CNTN4: variants seen among roughly 807,000 people sequenced by gnomAD.
CNTN4 encodes contactin 4, also known as contactin-4.
CNTN4 carries 77 observed loss-of-function variants against 122.5 expected under a neutral mutation model. The ratio of observed to expected loss-of-function variants is 0.63; its 90% CI spans 0.52 to 0.76. CNTN4 has a LOEUF of 0.76. CNTN4 is among the 30% of genes least tolerant of loss of function. The probability of loss-of-function intolerance (pLI) is 0.00; values close to 1 mark genes in which losing one functional copy is unlikely to be tolerated. For synonymous variants in CNTN4, 512 were observed against 447.0 expected (o/e 1.15, Z -1.83); for missense variants, 1,256 against 1,259.1 (o/e 1.00, Z 0.04).
Position 2,272,689 on chromosome 3 carries a change from T to G in CNTN4, c.-144-66489T>G, listed in dbSNP as rs192783230. Among the ~76,000 whole-genome samples, 5 of 152,328 alleles carry G rather than the reference T, an allele frequency of 3.3e-5. No homozygotes were observed. The East Asian group carries it at 9.7e-4, about 29-fold the overall frequency. ...ATAGGCGTCTTTGAGCCCCTCAACT[T>G]GACAATTGTATTGACAATTATTCAC... On this transcript the variant is annotated intron_variant, in intron 2 of 24. Transcript: ENST00000418658.
intron 6 of CNTN4, among the ~76,000 whole-genome samples, chr3:2,761,438 C>CTGTG (rs113454553): frequency 0.04 from 3,705 of 92,660 alleles, 82 homozygotes; most frequent in South Asian, 0.081. Context: ...TAAGTGTAAC[C>CTGTG]TGTGTGTGTG....
At chr3:2,179,562 C>T (rs547326755) in intron 2 of CNTN4, among the ~76,000 whole-genome samples, 6 of 152,094 alleles carry the variant, frequency 3.9e-5, no homozygotes, top group Admixed American at 3.3e-4. Flanking sequence ...ATGTGTTTTT[C>T]ATGTCCAACA....
intron 3 of CNTN4, among the ~76,000 whole-genome samples, chr3:2,531,289 G>A (rs998561267): frequency 6.6e-6 from 1 of 152,114 alleles, no homozygotes; most frequent in Non-Finnish European, 1.5e-5. Flanking sequence ...AAAACATCAA[G>A]GGAAAGGAAG....
intron 2 of CNTN4, among the ~76,000 whole-genome samples, chr3:2,323,489 A>G (rs2043342640): frequency 1.3e-5 from 2 of 152,202 alleles, no homozygotes; most frequent in Non-Finnish European, 2.9e-5. Flanking sequence ...AAGTATTTGT[A>G]CAGACTTTTA....
chr3:2,817,023 A>C (rs1269846877), intron 6 of CNTN4, among the ~76,000 whole-genome samples: 2 of 152,186 alleles, frequency 1.3e-5, no homozygotes, highest in Non-Finnish European at 2.9e-5. Flanking sequence ...TCATGTTGTT[A>C]ACTGTTAGGA....
chr3:2,829,947 G>C (rs2093067307), intron 7 of CNTN4, among the ~76,000 whole-genome samples: 1 of 152,030 alleles, frequency 6.6e-6, no homozygotes, highest in African/African-American at 2.4e-5. Context: ...TACAGCTATA[G>C]CAAGTTCCTG....
At chr3:2,193,917 A>T (rs557260437) in intron 2 of CNTN4, among the ~76,000 whole-genome samples, 37 of 152,300 alleles carry the variant, frequency 2.4e-4, no homozygotes, top group African/African-American at 8.7e-4. Context: ...AGTAGGCTAT[A>T]TCATTTAGGT....
At chr3:2,574,201 A>G (rs1050523417) in intron 4 of CNTN4, among the ~76,000 whole-genome samples, 2 of 151,674 alleles carry the variant, frequency 1.3e-5, no homozygotes, top group African/African-American at 4.9e-5. Flanking sequence ...GGGCAACAAG[A>G]GTGAAACTCC....
chr3:2,869,769 A>G (rs1263540844), intron 8 of CNTN4, among the ~76,000 whole-genome samples: 2 of 152,288 alleles, frequency 1.3e-5, no homozygotes, highest in African/African-American at 4.8e-5. Context: ...CACATGGCAA[A>G]TGTTAAATTA....
rs370653933 is a variant in CNTN4 at position 2,804,737 on chromosome 3, C to CTTTTTTTTTTTTTTTTTT, written c.359-14740_359-14739insTTTTTTTTTTTTTTTTTT. Among the ~76,000 whole-genome samples, 87 of 144,928 alleles carry CTTTTTTTTTTTTTTTTTT rather than the reference C, an allele frequency of 6.0e-4. 3 individuals are homozygous for CTTTTTTTTTTTTTTTTTT. In the South Asian group the frequency reaches 6.6e-3, roughly 11 times the overall value. On this transcript the variant is annotated intron_variant, in intron 6 of 24. Coordinates refer to ENST00000418658, the MANE Select transcript of CNTN4 (RefSeq NM_175607.3). ...CAACCACACCCACATATTTTGAGCA[C>CTTTTTTTTTTTTTTTTTT]TTTTTTTTTGAGACAAGGTCTCTCT...
chr3:2,147,709 A>G (rs1017533623), intron 2 of CNTN4, among the ~76,000 whole-genome samples: 5 of 152,150 alleles, frequency 3.3e-5, no homozygotes, highest in African/African-American at 1.2e-4. Context: ...CCTCAGCCTG[A>G]ATTGAGGCCT....
rs1228237148 is a variant in CNTN4, at chr3:2,225,670, A to T, written c.-144-113508A>T. On this transcript the variant is annotated intron_variant, in intron 2 of 24. Coordinates refer to ENST00000418658, the MANE Select transcript of CNTN4 (RefSeq NM_175607.3). ...TTCCACAAGCACTCCATTTAAAGTCATTGATCTAAACTTATTCTTTACTGT... is the reference window on the plus strand; with the variant it reads ...TTCCACAAGCACTCCATTTAAAGTCTTTGATCTAAACTTATTCTTTACTGT... Among the ~76,000 whole-genome samples, 2 of 152,186 alleles carry T rather than the reference A, an allele frequency of 1.3e-5. 1 individual carries two copies.
chr3:2,330,818 GT>G (rs1392104628), intron 2 of CNTN4, among the ~76,000 whole-genome samples: 2 of 152,148 alleles, frequency 1.3e-5, no homozygotes, highest in East Asian at 3.9e-4. Context: ...GCTCTATATT[GT>G]TTTTCTTTGC....
chr3:3,014,896 T>C (rs998771948), intron 14 of CNTN4, among the ~76,000 whole-genome samples: 6 of 148,058 alleles, frequency 4.1e-5, no homozygotes, highest in African/African-American at 1.3e-4. Flanking sequence ...TTTTTTTTTT[T>C]TCTCTTTGGG....
chr3:2,623,274 A>T (rs1466772086), intron 4 of CNTN4, among the ~76,000 whole-genome samples: 4 of 138,260 alleles, frequency 2.9e-5, no homozygotes, highest in African/African-American at 8.0e-5. Flanking sequence ...TTTTTCCCTG[A>T]TTTTCTACCC....
chr3:2,129,006 G>C (rs1194411514), intron 2 of CNTN4, among the ~76,000 whole-genome samples: 1 of 152,120 alleles, frequency 6.6e-6, no homozygotes, highest in Non-Finnish European at 1.5e-5. Context: ...ATGGAACATG[G>C]AGGAACTACA....
intron 2 of CNTN4, among the ~76,000 whole-genome samples, chr3:2,273,049 C>G (rs193079736): frequency 7.2e-4 from 110 of 152,224 alleles, no homozygotes; most frequent in Non-Finnish European, 3.4e-4. Context: ...ATTAGCTAAG[C>G]TTAGAAGAAA....
intron 13 of CNTN4, among the ~76,000 whole-genome samples, chr3:2,962,274 C>A (rs1011774187): frequency 1.3e-5 from 2 of 152,186 alleles, no homozygotes; most frequent in African/African-American, 4.8e-5. Context: ...CACTTTTAAG[C>A]CAGACGCCTG....
At chr3:3,003,540 G>A (rs7647970) in intron 14 of CNTN4, among the ~76,000 whole-genome samples, 13,081 of 151,926 alleles carry the variant, frequency 0.086, 739 homozygotes, top group African/African-American at 0.16. Context: ...TCCCAGAATA[G>A]GAAAATTTAT....
Sources: allele counts gnomAD v4.1 joint callset (sites outside exome capture counted in the v4.1 genomes callset), GRCh38; gene constraint gnomAD v4.1.1; transcripts MANE v1.5; gene names NCBI Gene and HGNC (gene_info 2026-07-23, HGNC 2026-07-21).